The following MACROD2 variants were observed in gnomAD, a reference collection of about 807,000 sequenced individuals.
MACROD2 encodes ADP-ribose glycohydrolase MACROD2.
In MACROD2, 36 loss-of-function variants were observed where a neutral mutation model predicts 70.4. The observed-to-expected ratio is 0.51, with a 90% CI of 0.39 to 0.68. The LOEUF is 0.68. Among genes scored for constraint, MACROD2 ranks in the 30% least tolerant of loss-of-function variants. The pLI is 0.00. For missense variants in MACROD2, 496 were observed against 538.4 expected (o/e 0.92, Z 0.78); for synonymous variants, 172 against 178.8 (o/e 0.96, Z 0.30).
intron 4 of MACROD2, among the ~76,000 whole-genome samples, chr20:14,620,332 C>T (rs1983757268): frequency 6.6e-6 from 1 of 151,914 alleles, no homozygotes; most frequent in Admixed American, 6.6e-5. Context: ...GTAGATTGCT[C>T]CCACCAACCT....
intron 4 of MACROD2, among the ~76,000 whole-genome samples, chr20:14,528,321 G>GT (rs530596762): frequency 0.23 from 31,372 of 136,836 alleles, 4,305 homozygotes; most frequent in East Asian, 0.42. Flanking sequence ...CAGGGTTTCT[G>GT]TTTTTTTTTT....
At chr20:15,600,738 A>G (rs1404280062) in intron 8 of MACROD2, among the ~76,000 whole-genome samples, 1 of 152,228 alleles carries the variant, frequency 6.6e-6, no homozygotes, top group African/African-American at 2.4e-5. Flanking sequence ...CTACAAGCTA[A>G]TGCGAGCAAT....
chr20:15,364,042 A>T (rs1403148200), intron 6 of MACROD2, among the ~76,000 whole-genome samples: 1 of 152,156 alleles, frequency 6.6e-6, no homozygotes, highest in East Asian at 1.9e-4. Flanking sequence ...TAATAGATAC[A>T]TTTAGATGTA....
chr20:14,796,971 A>T (rs1395086458), intron 5 of MACROD2, among the ~76,000 whole-genome samples: 1 of 151,784 alleles, frequency 6.6e-6, no homozygotes, highest in Non-Finnish European at 1.5e-5. Flanking sequence ...ACAAGCTCAC[A>T]CTCTTTCTTC....
At chr20:15,632,437 T>G (rs2049305139) in intron 8 of MACROD2, among the ~76,000 whole-genome samples, 1 of 152,142 alleles carries the variant, frequency 6.6e-6, no homozygotes. Flanking sequence ...CATGGACAGA[T>G]AAATGCAATG....
At chr20:14,391,163 A>G (rs1411881070) in intron 3 of MACROD2, among the ~76,000 whole-genome samples, 1 of 152,230 alleles carries the variant, frequency 6.6e-6, no homozygotes, top group African/African-American at 2.4e-5. Context: ...TTATAAAGAT[A>G]CATGCACATG....
At chr20:15,798,484 G>A (rs2063695346) in intron 8 of MACROD2, among the ~76,000 whole-genome samples, 1 of 152,128 alleles carries the variant, frequency 6.6e-6, no homozygotes, top group African/African-American at 2.4e-5. Flanking sequence ...GAGGTTTATG[G>A]TCTTCATGGA....
At chr20:15,351,812 C>T (rs1836964352) in intron 6 of MACROD2, among the ~76,000 whole-genome samples, 1 of 152,200 alleles carries the variant, frequency 6.6e-6, no homozygotes, top group Admixed American at 6.6e-5. Context: ...GTACCCTCTA[C>T]TAGGCATGCC....
At chr20:15,315,913 A>G (rs540426603) in intron 6 of MACROD2, among the ~76,000 whole-genome samples, 134 of 152,290 alleles carry the variant, frequency 8.8e-4, no homozygotes, top group Non-Finnish European at 1.6e-3. Flanking sequence ...AATTTGTAAC[A>G]ATAACAACAT....
At chr20:15,853,202 T>C (rs950454008) in intron 8 of MACROD2, among the ~76,000 whole-genome samples, 34 of 152,266 alleles carry the variant, frequency 2.2e-4, no homozygotes, top group African/African-American at 8.2e-4. Flanking sequence ...TTTAGGTACC[T>C]TATGAATAAT....
intron 3 of MACROD2, among the ~76,000 whole-genome samples, chr20:14,321,231 G>A (rs915441711): frequency 1.3e-5 from 2 of 152,122 alleles, no homozygotes; most frequent in East Asian, 3.9e-4. Flanking sequence ...TGGGTGTGGT[G>A]ACGCAAGTCT....
At chr20:15,599,714 AT>A (rs950742618) in intron 8 of MACROD2, among the ~76,000 whole-genome samples, 1 of 152,186 alleles carries the variant, frequency 6.6e-6, no homozygotes, top group Non-Finnish European at 1.5e-5. Flanking sequence ...TATATTTTAA[AT>A]TTTTTGCTGT....
At chr20:14,672,252 C>A (rs2070804059) in intron 4 of MACROD2, among the ~76,000 whole-genome samples, 1 of 152,214 alleles carries the variant, frequency 6.6e-6, no homozygotes, top group Non-Finnish European at 1.5e-5. Context: ...TCTAAGTTGG[C>A]CTCCGCTGAG....
At position 15,421,528 on chromosome 20, in the gene MACROD2, T is replaced by C. The variant is rs543548710; in HGVS notation, c.541-9877T>C. Among the ~76,000 whole-genome samples the C allele has an allele frequency of 7.2e-4, 110 of 152,264 alleles. 1 individual carries two copies. Among genetic ancestry groups the C allele is most frequent in the Middle Eastern group, 6.8e-3 (2 of 294 alleles). On this transcript the variant is annotated intron_variant, in intron 6 of 17. Transcript: ENST00000684519. ...ACTAGAATATGCTATTAGAAACATA[T>C]GAGGTAGATCAATATACACTGACAT... is the stretch of plus-strand genomic sequence containing the variant.
chr20:15,785,184 A>C (rs1206035981), intron 8 of MACROD2, among the ~76,000 whole-genome samples: 1 of 151,694 alleles, frequency 6.6e-6, no homozygotes, highest in African/African-American at 2.4e-5. Context: ...AAAAAAAATC[A>C]TGGAGTAAAG....
intron 3 of MACROD2, among the ~76,000 whole-genome samples, chr20:14,109,471 G>A (rs1438332451): frequency 6.6e-6 from 1 of 151,590 alleles, no homozygotes; most frequent in Non-Finnish European, 1.5e-5. Context: ...AAAAAGTTTG[G>A]TTTTTGAAAA....
intron 5 of MACROD2, among the ~76,000 whole-genome samples, chr20:14,927,077 T>C (rs1410900973): frequency 6.6e-6 from 1 of 152,180 alleles, no homozygotes; most frequent in African/African-American, 2.4e-5. Flanking sequence ...CTTAAATTTT[T>C]AATTTCAGTA....
chr20:14,929,453 A>T (rs2074271795), intron 5 of MACROD2: 1 of 152,180 alleles, frequency 6.6e-6, no homozygotes, highest in Non-Finnish European at 1.5e-5. Flanking sequence ...GGCCGTGGGG[A>T]ATCCACGTCC....
intron 5 of MACROD2, among the ~76,000 whole-genome samples, chr20:15,076,713 G>T (rs188136673): frequency 6.1e-4 from 93 of 152,208 alleles, no homozygotes; most frequent in African/African-American, 2.2e-3. Flanking sequence ...TAGAGATGGG[G>T]ACATGTCTCT....
Sources: allele counts gnomAD v4.1 joint callset (sites outside exome capture counted in the v4.1 genomes callset), GRCh38; gene constraint gnomAD v4.1.1; transcripts MANE v1.5; gene names NCBI Gene and HGNC (gene_info 2026-07-23, HGNC 2026-07-21).